The following PCDHB13 variants were observed in gnomAD, a reference collection of about 807,000 sequenced individuals.
The protein encoded by PCDHB13 is protocadherin beta 13, also known as protocadherin beta-13.
For missense variants in PCDHB13, 1,065 were observed against 1,016.7 expected, an observed-to-expected ratio of 1.05 and a Z score of -0.65; for synonymous variants, 515 against 450.7, an observed-to-expected ratio of 1.14 and a Z score of -1.81.
In PCDHB13 at chr5:141,215,551, A is replaced by C. The variant is rs782213588; in HGVS notation, c.1428A>C (p.Thr476=). The C allele has an allele frequency of 3.7e-6, 6 of 1,613,582 alleles. No homozygotes were observed. Among genetic ancestry groups the C allele is most frequent in the African/African-American group, 1.3e-5 (1 of 74,880 alleles). ...PALHIRSVSA[T]DRDSGTNAQV... ...TGCACATCCGCAGCGTCAGCGCTAC[A>C]GACAGAGACTCAGGCACCAACGCCC... Residue 476 remains threonine (T), a synonymous_variant, in exon 1 of 1, where the codon ACA becomes ACC. Transcript: ENST00000341948.
chr5:141,214,949 G>T lies in PCDHB13; in HGVS notation c.826G>T (p.Gly276Ter), dbSNP rs782763481. 6.2e-7 allele frequency: 1 copy of T among 1,614,204 alleles called. No individual in the cohort carries two copies. The change falls in exon 1 of 1, where the codon GGA becomes TGA. Residue 276 changes from glycine to a stop codon, truncating the protein, a stop_gained. Transcript: ENST00000341948. LOFTEE classifies it low-confidence loss of function (END_TRUNC). ...SATDVDTGVN[G>*]EISYSLFQAS... ...CACGGATGTAGACACAGGAGTCAAC[G>T]GAGAGATTTCCTATTCACTTTTCCA...
rs782205163 is a variant in PCDHB13, at chr5:141,215,297, T to C, written c.1174T>C (p.Phe392Leu). The change falls in exon 1 of 1, where the codon TTC becomes CTC. Residue 392 changes from phenylalanine to leucine, a missense_variant. By Grantham distance (22) the Phe-to-Leu change is conservative. Transcript: ENST00000341948. ...TTGCTCCATTCAGGAGGATCTACCC[T>C]TCCTCCTGAAATCCGCGGAAAACTT... ...ISCSIQEDLP[F>L]LLKSAENFYT... is the part of the protein sequence containing the mutation. The C allele has an allele frequency of 6.2e-7, 1 of 1,614,086 alleles. No individual in the cohort carries two copies. The highest frequency in any genetic ancestry group is 8.5e-7 in the Non-Finnish European group (1 of 1,180,000).
chr5:141,215,687 G>C lies in PCDHB13; in HGVS notation c.1564G>C (p.Glu522Gln), dbSNP rs1460727371. 3 of 1,613,066 alleles carry C rather than the reference G, an allele frequency of 1.9e-6. No homozygotes were observed. Among genetic ancestry groups the C allele is most frequent in the African/African-American group, 2.7e-5 (2 of 75,028 alleles). The change falls in exon 1 of 1, where the codon GAG becomes CAG. Residue 522 changes from glutamate to glutamine, a missense_variant. Glu to Gln is a conservative substitution (Grantham distance 29). Transcript: ENST00000341948. Reference protein sequence around the residue: ...HLFALRSLDYEALQGFQFRVG... With the variant: ...HLFALRSLDYQALQGFQFRVG... ...GTTCGCCCTCAGGTCTCTGGACTACGAGGCCCTGCAGGGGTTCCAGTTCCG... is the reference window on the plus strand; with the variant it reads ...GTTCGCCCTCAGGTCTCTGGACTACCAGGCCCTGCAGGGGTTCCAGTTCCG...
chr5:141,216,573 C>T lies in PCDHB13; in HGVS notation c.*53C>T. 7.1e-7 allele frequency: 1 copy of T among 1,414,016 alleles called. No homozygotes were observed. Among genetic ancestry groups the T allele is most frequent in the South Asian group, 1.2e-5 (1 of 86,952 alleles). The allele number at this position is 1,414,016 out of a possible 1,614,324, so 87.6% of individuals were successfully genotyped here. A position where few individuals can be genotyped will look rare whatever the true frequency, so the allele number is the denominator to read the frequency against. Reference sequence around the variant, plus strand: ...TATTTTATTTTGTGGCATTTCCATGCCAATGTTTATTTCCCCCAATTTGTG... The same window carrying T: ...TATTTTATTTTGTGGCATTTCCATGTCAATGTTTATTTCCCCCAATTTGTG... On this transcript the variant is annotated 3_prime_UTR_variant, in exon 1 of 1. Coordinates refer to ENST00000341948, the MANE Select transcript of PCDHB13 (RefSeq NM_018933.4).
chr5:141,217,454 C>T lies in PCDHB13; in HGVS notation c.*934C>T, dbSNP rs1754642895. The stretch of plus-strand genomic sequence containing the variant: ...TTTTTATGACATAATTTGAAATTAC[C>T]TATATATTTCATTCTATTCAATTTT... On this transcript the variant is annotated 3_prime_UTR_variant, in exon 1 of 1. Coordinates refer to ENST00000341948, the MANE Select transcript of PCDHB13 (RefSeq NM_018933.4). 6.0e-6 allele frequency: 1 copy of T among 166,792 alleles called. No individual in the cohort carries two copies. Among genetic ancestry groups the T allele is most frequent in the Admixed American group, 6.6e-5 (1 of 15,258 alleles). 10.3% of individuals were successfully genotyped at this position (166,792 alleles called of 1,614,324 possible).
rs1754586029 is a variant in PCDHB13 at position 141,215,746 on chromosome 5, G to A, written c.1623G>A (p.Leu541=). Residue 541 remains leucine (L), a synonymous_variant, in exon 1 of 1, where the codon CTG becomes CTA. Coordinates refer to ENST00000341948, the MANE Select transcript of PCDHB13 (RefSeq NM_018933.4). ...CTTCAGACCACGGCTCCCCGGCGCTGAGCAGCGAGGCGCTGGTGCGCGTGG... is the reference window on the plus strand; with the variant it reads ...CTTCAGACCACGGCTCCCCGGCGCTAAGCAGCGAGGCGCTGGTGCGCGTGG... ...VGASDHGSPA[L]SSEALVRVVV... 1 of 1,612,124 alleles carries A rather than the reference G, an allele frequency of 6.2e-7. No individual in the cohort carries two copies. The highest frequency in any genetic ancestry group is 8.5e-7 in the Non-Finnish European group (1 of 1,179,812).
Position 141,214,048 on chromosome 5 carries a change from A to T in PCDHB13, c.-76A>T. The T allele has an allele frequency of 2.5e-6, 4 of 1,600,044 alleles. No individual in the cohort carries two copies. Among genetic ancestry groups the T allele is most frequent in the Non-Finnish European group, 3.4e-6 (4 of 1,169,648 alleles). On this transcript the variant is annotated 5_prime_UTR_variant, in exon 1 of 1. The change abolishes the stop of an existing upstream ORF in the 5' untranslated region. Coordinates refer to ENST00000341948, the MANE Select transcript of PCDHB13 (RefSeq NM_018933.4). Reference sequence around the variant, plus strand: ...CATATTTCTGAGGTATCTGTAGAATAACCACAGCCTCAGATACTGGGGACT... The same window carrying T: ...CATATTTCTGAGGTATCTGTAGAATTACCACAGCCTCAGATACTGGGGACT...
chr5:141,218,842 G>A lies in PCDHB13; in HGVS notation c.*2322G>A, dbSNP rs1554288441. ...GCTGTTGAACTTCTGGCCTCCAAAG[G>A]TGGGAGTTATTCTAGCAGCTTCCCT... On this transcript the variant is annotated 3_prime_UTR_variant, in exon 1 of 1. Transcript: ENST00000341948. 6.0e-6 allele frequency: 1 copy of A among 167,004 alleles called. No homozygotes were observed. Among genetic ancestry groups the A allele is most frequent in the African/African-American group, 2.4e-5 (1 of 41,344 alleles). 10.3% of individuals were successfully genotyped at this position (167,004 alleles called of 1,614,324 possible).
rs782704651 is a variant in PCDHB13, at chr5:141,215,433, T to G, written c.1310T>G (p.Met437Arg). 5.0e-6 allele frequency: 8 copies of G among 1,614,180 alleles called. No individual in the cohort carries two copies. Among genetic ancestry groups the G allele is most frequent in the Non-Finnish European group, 4.2e-6 (5 of 1,180,042 alleles). The change falls in exon 1 of 1, where the codon ATG (methionine) becomes AGG (arginine). Residue 437 changes from methionine to arginine, a missense_variant. Coordinates refer to ENST00000341948, the MANE Select transcript of PCDHB13 (RefSeq NM_018933.4). ...CCTATGCTGATAACACAGCTCAATA[T>G]GACCGTGCTGATCGCCGATGTCAAT... ...GTPMLITQLNMTVLIADVNDN... is the reference protein window; with the variant it reads ...GTPMLITQLNRTVLIADVNDN...
rs782187913 is a variant in PCDHB13 at position 141,215,949 on chromosome 5, C to T, written c.1826C>T (p.Ala609Val). 8.7e-6 allele frequency: 14 copies of T among 1,607,412 alleles called. No individual in the cohort carries two copies. The highest frequency in any genetic ancestry group is 4.0e-5 in the African/African-American group (3 of 74,856). The change falls in exon 1 of 1, where the codon GCC becomes GTC. Residue 609 changes from alanine to valine, a missense_variant. Transcript: ENST00000341948. The part of the protein sequence containing the change: ...NAWLSYQLLK[A>V]TELGLFGVWA... ...TGGCTGTCGTACCAGCTGCTCAAGG[C>T]CACGGAGCTCGGTCTGTTCGGCGTG...
In PCDHB13 at chr5:141,215,789, G is replaced by A. The variant is rs1754588059; in HGVS notation, c.1666G>A (p.Asp556Asn). The A allele has an allele frequency of 3.1e-6, 5 of 1,611,662 alleles. No individual in the cohort carries two copies. Among genetic ancestry groups the A allele is most frequent in the Admixed American group, 3.3e-5 (2 of 59,996 alleles). Residue 556 changes from aspartate to asparagine, a missense_variant, in exon 1 of 1, where the codon GAC (aspartate) becomes AAC (asparagine). Coordinates refer to ENST00000341948, the MANE Select transcript of PCDHB13 (RefSeq NM_018933.4). ...LVRVVVLDAN[D>N]NSPFVLYPLQ... ...GCGCGTGGTGGTGCTGGACGCCAACGACAACTCGCCCTTCGTGCTGTACCC... is the reference window on the plus strand; with the variant it reads ...GCGCGTGGTGGTGCTGGACGCCAACAACAACTCGCCCTTCGTGCTGTACCC...
In PCDHB13 at chr5:141,214,069, G is replaced by T. The variant is rs1481750128; in HGVS notation, c.-55G>T. The T allele has an allele frequency of 6.2e-7, 1 of 1,612,198 alleles. No homozygotes were observed. The highest frequency in any genetic ancestry group is 8.5e-7 in the Non-Finnish European group (1 of 1,178,914). ...GAATAACCACAGCCTCAGATACTGG[G>T]GACTTTACAGTCCCACAGAACCGTC... On this transcript the variant is annotated 5_prime_UTR_variant, in exon 1 of 1. Transcript: ENST00000341948.
At position 141,218,464 on chromosome 5, in the gene PCDHB13, A is replaced by G. The variant is rs1554288409; in HGVS notation, c.*1944A>G. On this transcript the variant is annotated 3_prime_UTR_variant, in exon 1 of 1. Transcript: ENST00000341948. ...TTCTTTCTTTGTTTATGTTTTAGAGACAGGGTCTTAGTCACCTAGGCTGGA... is the reference window on the plus strand; with the variant it reads ...TTCTTTCTTTGTTTATGTTTTAGAGGCAGGGTCTTAGTCACCTAGGCTGGA... The G allele has an allele frequency of 6.2e-6, 1 of 161,132 alleles. No homozygotes were observed. The highest frequency in any genetic ancestry group is 1.5e-5 in the Non-Finnish European group (1 of 67,984). 10.0% of individuals were successfully genotyped at this position (161,132 alleles called of 1,614,324 possible).
Position 141,214,966 on chromosome 5 carries a change from A to G in PCDHB13, c.843A>G (p.Ser281=), listed in dbSNP as rs180828075. Reference sequence around the variant, plus strand: ...GAGTCAACGGAGAGATTTCCTATTCACTTTTCCAAGCTTCAGAAGAGATTG... The same window carrying G: ...GAGTCAACGGAGAGATTTCCTATTCGCTTTTCCAAGCTTCAGAAGAGATTG... ...DTGVNGEISY[S]LFQASEEIGK... is the part of the protein sequence containing the mutation. The change falls in exon 1 of 1, where the codon TCA becomes TCG. Residue 281 remains serine, a synonymous_variant. Transcript: ENST00000341948. The G allele has an allele frequency of 1.2e-6, 2 of 1,614,154 alleles. No homozygotes were observed. The highest frequency in any genetic ancestry group is 1.7e-5 in the Admixed American group (1 of 60,024).
rs1003513879 is a variant in PCDHB13, at chr5:141,216,534, T to C, written c.*14T>C. 1 of 1,580,088 alleles carries C rather than the reference T, an allele frequency of 6.3e-7. No homozygotes were observed. Among genetic ancestry groups the C allele is most frequent in the Admixed American group, 1.7e-5 (1 of 59,930 alleles). On this transcript the variant is annotated 3_prime_UTR_variant, in exon 1 of 1. Transcript: ENST00000341948. Reference sequence around the variant, plus strand: ...AATATTCAGTGACCATAGTTGACTTTTACATTCCATAGGTATTTTATTTTG... The same window carrying C: ...AATATTCAGTGACCATAGTTGACTTCTACATTCCATAGGTATTTTATTTTG...
chr5:141,215,833 G>T lies in PCDHB13; in HGVS notation c.1710G>T (p.Ala570=). The T allele has an allele frequency of 6.2e-7, 1 of 1,609,930 alleles. No homozygotes were observed. Among genetic ancestry groups the T allele is most frequent in the Non-Finnish European group, 8.5e-7 (1 of 1,179,386 alleles). Residue 570 remains alanine, a synonymous_variant, in exon 1 of 1, where the codon GCG becomes GCT. Coordinates refer to ENST00000341948, the MANE Select transcript of PCDHB13 (RefSeq NM_018933.4). ...FVLYPLQNGS[A]PCTELVPRAA... ...TGTACCCGCTGCAGAACGGCTCCGC[G>T]CCCTGCACCGAGCTGGTGCCCCGGG...
rs377408073 is a variant in PCDHB13, at chr5:141,215,788, C to T, written c.1665C>T (p.Asn555=). ...ALVRVVVLDA[N]DNSPFVLYPL... ...TGCGCGTGGTGGTGCTGGACGCCAA[C>T]GACAACTCGCCCTTCGTGCTGTACC... Residue 555 remains asparagine (N), a synonymous_variant, in exon 1 of 1, where the codon AAC becomes AAT. Coordinates refer to ENST00000341948, the MANE Select transcript of PCDHB13 (RefSeq NM_018933.4). 1.2e-6 allele frequency: 2 copies of T among 1,611,558 alleles called. No individual in the cohort carries two copies. The highest frequency in any genetic ancestry group is 1.7e-6 in the Non-Finnish European group (2 of 1,179,708).
In PCDHB13 at chr5:141,216,842, C is replaced by T. The variant is rs558245271; in HGVS notation, c.*322C>T. On this transcript the variant is annotated 3_prime_UTR_variant, in exon 1 of 1. Transcript: ENST00000341948. ...ATGCTTATGGTAAAATTAAATAGAG[C>T]AATTTGGAAGTGATTCCAATTTTCC... 2.8e-6 allele frequency: 1 copy of T among 362,602 alleles called. No homozygotes were observed. The highest frequency in any genetic ancestry group is 2.2e-5 in the African/African-American group (1 of 45,974). The allele number at this position is 362,602 out of a possible 1,614,324, so 22.5% of individuals were successfully genotyped here. A position where few individuals can be genotyped will look rare whatever the true frequency, so the allele number is the denominator to read the frequency against.
chr5:141,215,353 C>T lies in PCDHB13; in HGVS notation c.1230C>T (p.Asp410=). 1 of 1,614,190 alleles carries T rather than the reference C, an allele frequency of 6.2e-7. No individual in the cohort carries two copies. The stretch of plus-strand genomic sequence containing the variant: ...CCCTACTAACGGAGAGACCACTAGA[C>T]AGAGAAAGCAGAGCGGAATACAACA... ...FYTLLTERPL[D]RESRAEYNIT... Residue 410 remains aspartate, a synonymous_variant, in exon 1 of 1, where the codon GAC becomes GAT. Coordinates refer to ENST00000341948, the MANE Select transcript of PCDHB13 (RefSeq NM_018933.4).
Sources: allele counts gnomAD v4.1 joint callset, GRCh38; gene constraint gnomAD v4.1.1; transcripts MANE v1.5; gene names NCBI Gene and HGNC (gene_info 2026-07-23, HGNC 2026-07-21).